EMG1: variants seen among roughly 807,000 people sequenced by gnomAD.
EMG1 encodes the protein ribosomal RNA small subunit methyltransferase NEP1.
A neutral mutation model predicts 26.9 loss-of-function variants in EMG1; 24 were observed. The ratio of observed to expected loss-of-function variants is 0.89; its 90% CI spans 0.65 to 1.26. The LOEUF (loss-of-function observed/expected upper bound fraction) is 1.26. Ranked by LOEUF, EMG1 falls within the 50% of genes most tolerant of loss-of-function variation. EMG1 has a pLI of 0.00. For synonymous variants in EMG1, 140 were observed against 112.6 expected (o/e 1.24, Z -1.54); for missense variants, 299 against 307.6 (o/e 0.97, Z 0.21).
chr12:6,977,302 T>C lies in EMG1; in HGVS notation c.*1493T>C. 6.2e-7 allele frequency: 1 copy of C among 1,610,598 alleles called. No individual in the cohort carries two copies. The highest frequency in any genetic ancestry group is 1.1e-5 in the South Asian group (1 of 91,022). ...GCCACTAAGGTAGACAGGCCTGGAGTGTCCTTTGCAACCTTTGAGGTTGCA... is the reference window on the plus strand; with the variant it reads ...GCCACTAAGGTAGACAGGCCTGGAGCGTCCTTTGCAACCTTTGAGGTTGCA... On this transcript the variant is annotated 3_prime_UTR_variant, in exon 6 of 6. Transcript: ENST00000599672. This position sits in a 1 kb window ranked among gnomAD's most constrained non-coding sequence, Gnocchi z 4.5.
At chr12:6,980,333 G>A (rs967855599), downstream of EMG1, among the ~76,000 whole-genome samples, 3 of 151,734 alleles carry the variant, frequency 2.0e-5, no homozygotes, top group African/African-American at 2.4e-5. Flanking sequence ...ATGAGCCACT[G>A]TGCCCTCCTG....
At position 6,977,242 on chromosome 12, in the gene EMG1, G is replaced by T. The variant is rs1320908450; in HGVS notation, c.*1433G>T. ...GGCTCAGGAAGAAGATGTGGCCAAG[G>T]AAATAGATGGATTTATACACCTGTG... On this transcript the variant is annotated 3_prime_UTR_variant, in exon 6 of 6. Coordinates refer to ENST00000599672, the MANE Select transcript of EMG1 (RefSeq NM_006331.8). The surrounding 1 kb of genome is among the most constrained non-coding windows in gnomAD (Gnocchi z 4.5). 5 of 1,613,668 alleles carry T rather than the reference G, an allele frequency of 3.1e-6. No individual in the cohort carries two copies. The highest frequency in any genetic ancestry group is 1.3e-5 in the African/African-American group (1 of 74,914).
chr12:6,974,745 G>A lies in EMG1; in HGVS notation c.412+52G>A. ...ATGAACTTGTCAGTAGGGAAGAAGG[G>A]AGGAAGAGGAAAAGGGAGAACTAAA... On this transcript the variant is annotated intron_variant, in intron 3 of 5. Transcript: ENST00000599672. The A allele has an allele frequency of 1.9e-6, 3 of 1,592,924 alleles. No homozygotes were observed. In the African/African-American group the frequency reaches 4.0e-5, roughly 21 times the overall value.
intron 3 of EMG1, 73 bp downstream of exon 3, chr12:6,974,766 C>A: frequency 6.6e-7 from 1 of 1,512,740 alleles, no homozygotes; most frequent in Non-Finnish European, 9.2e-7. Context: ...AAAGGGAGAA[C>A]TAAATGTGGA....
At chr12:6,982,932 T>C, downstream of EMG1, 1 of 668,052 alleles carries the variant, frequency 1.5e-6, no homozygotes, top group Non-Finnish European at 2.7e-6. Flanking sequence ...GGATGGAAAT[T>C]ATTTATTAAA....
chr12:6,977,797 C>T lies in EMG1; in HGVS notation c.*1988C>T, dbSNP rs782170987. The T allele has an allele frequency of 4.4e-6, 7 of 1,604,624 alleles. No individual in the cohort carries two copies. Among genetic ancestry groups the T allele is most frequent in the Non-Finnish European group, 6.0e-6 (7 of 1,173,780 alleles). The stretch of plus-strand genomic sequence containing the variant: ...CCTCAAACTGACTGGTCCTTGCATC[C>T]CGCCACCTGCCTCTGGGTCCTCACC... On this transcript the variant is annotated 3_prime_UTR_variant, in exon 6 of 6. Transcript: ENST00000599672. The surrounding 1 kb of genome is among the most constrained non-coding windows in gnomAD (Gnocchi z 4.5).
At chr12:6,974,829 GTTA>G in intron 3 of EMG1, 136 bp downstream of exon 3, 4 of 1,008,150 alleles carry the variant, frequency 4.0e-6, no homozygotes, top group East Asian at 2.6e-5. Context: ...GACAAGGACT[GTTA>G]TTATTTTTCT....
chr12:6,979,569 C>T lies in EMG1; in HGVS notation c.*3760C>T, dbSNP rs1555153799. On this transcript the variant is annotated 3_prime_UTR_variant, in exon 6 of 6. Coordinates refer to ENST00000599672, the MANE Select transcript of EMG1 (RefSeq NM_006331.8). ...AGGCCCAGACTCAGGCGCTTGAGAGCAGGAATGATGCTGGAAAGGAACGAG... is the reference window on the plus strand; with the variant it reads ...AGGCCCAGACTCAGGCGCTTGAGAGTAGGAATGATGCTGGAAAGGAACGAG... 6.2e-7 allele frequency: 1 copy of T among 1,612,340 alleles called. No homozygotes were observed. The highest frequency in any genetic ancestry group is 2.2e-5 in the East Asian group (1 of 44,892).
Position 6,977,848 on chromosome 12 carries a change from G to A in EMG1, c.*2039G>A, listed in dbSNP as rs1946425647. On this transcript the variant is annotated 3_prime_UTR_variant, in exon 6 of 6. Coordinates refer to ENST00000599672, the MANE Select transcript of EMG1 (RefSeq NM_006331.8). The surrounding 1 kb of genome is among the most constrained non-coding windows in gnomAD (Gnocchi z 4.5). ...CTGAGGATTGGATTGGAGTGCTGGT[G>A]GGTTCCCACGTGTAGCCCCCAGAGG... 24 of 1,389,564 alleles carry A rather than the reference G, an allele frequency of 1.7e-5. No homozygotes were observed. The highest frequency in any genetic ancestry group is 2.4e-5 in the Non-Finnish European group (24 of 993,110). 86.1% of individuals were successfully genotyped at this position (1,389,564 alleles called of 1,614,324 possible).
rs782288671 is a variant in EMG1, at chr12:6,973,374, C to T, written c.169-965C>T. ...GTAGAGATGGGGTTTCGCCATGTTG[C>T]CCAGGCTGGTCTTGAACTCCTGACC... On this transcript the variant is annotated intron_variant, in intron 1 of 5. Coordinates refer to ENST00000599672, the MANE Select transcript of EMG1 (RefSeq NM_006331.8). 2.0e-5 allele frequency among the ~76,000 whole-genome samples: 3 copies of T among 151,400 alleles called. No individual in the cohort carries two copies. In the East Asian group the frequency reaches 5.9e-4, roughly 30 times the overall value.
At chr12:6,981,483 G>T, downstream of EMG1, 1 of 1,049,796 alleles carries the variant, frequency 9.5e-7, no homozygotes, top group Non-Finnish European at 1.5e-6. Context: ...TGCACAGGCT[G>T]GGGAATGAGG....
Position 6,978,743 on chromosome 12 carries a change from T to G in EMG1, c.*2934T>G. On this transcript the variant is annotated 3_prime_UTR_variant, in exon 6 of 6. Coordinates refer to ENST00000599672, the MANE Select transcript of EMG1 (RefSeq NM_006331.8). ...GGATATCACATGACTAGGCAGTTTC[T>G]CTCAGCACTCTTCCTTTTCACACTT... 1.3e-6 allele frequency: 2 copies of G among 1,599,540 alleles called. No individual in the cohort carries two copies. The highest frequency in any genetic ancestry group is 1.7e-6 in the Non-Finnish European group (2 of 1,172,134).
downstream of EMG1, among the ~76,000 whole-genome samples, chr12:6,991,842 C>CT (rs1946592770): frequency 6.6e-6 from 1 of 152,220 alleles, no homozygotes; most frequent in South Asian, 2.1e-4. Context: ...CCACCGTACT[C>CT]TACCAGTGTG....
At chr12:6,985,174 G>A (rs1946509633) in intron 6 of EMG1, among the ~76,000 whole-genome samples, 1 of 149,706 alleles carries the variant, frequency 6.7e-6, no homozygotes, top group African/African-American at 2.5e-5. Flanking sequence ...GGCGGATCAT[G>A]AGGACAGGAG....
intron 7 of EMG1, among the ~76,000 whole-genome samples, chr12:6,995,782 AATCCT>A (rs1381192261): frequency 6.6e-6 from 1 of 152,176 alleles, no homozygotes; most frequent in Non-Finnish European, 1.5e-5. Flanking sequence ...CAGAGTCAGC[AATCCT>A]GTCTGTTCTA....
chr12:6,991,076 A>T (rs782319071), downstream of EMG1, among the ~76,000 whole-genome samples: 19 of 152,352 alleles, frequency 1.2e-4, no homozygotes, highest in African/African-American at 4.6e-4. Flanking sequence ...TCAAAGAAAT[A>T]AAGCCATCTA....
At chr12:6,981,890 A>C (rs781852997), downstream of EMG1, 2 of 1,606,826 alleles carry the variant, frequency 1.2e-6, no homozygotes, top group African/African-American at 2.7e-5. Context: ...AATAGTATCC[A>C]GCCAGAAGGT....
At chr12:6,974,755 A>G in intron 3 of EMG1, 62 bp downstream of exon 3, 2 of 1,554,598 alleles carry the variant, frequency 1.3e-6, no homozygotes, top group African/African-American at 1.4e-5. Flanking sequence ...GAGGAAGAGG[A>G]AAAGGGAGAA....
downstream of EMG1, among the ~76,000 whole-genome samples, chr12:6,989,982 G>A (rs1033467379): frequency 6.6e-6 from 1 of 151,780 alleles, no homozygotes; most frequent in Non-Finnish European, 1.5e-5. Context: ...AGACCAGCCT[G>A]GGCAACATAG....
Sources: gnomAD v4.1 joint callset for allele counts (sites outside exome capture counted in the v4.1 genomes callset) on GRCh38, gnomAD v4.1.1 for gene constraint, Gnocchi (gnomAD v3.1) non-coding constraint, MANE v1.5 for transcripts, NCBI Gene and HGNC (gene_info 2026-07-23, HGNC 2026-07-21) for gene names.